The following CPNE1 variants were observed in gnomAD, a reference collection of about 807,000 sequenced individuals.
The protein encoded by CPNE1 is copine-1.
CPNE1 carries 58 observed loss-of-function variants against 63.2 expected under a neutral mutation model. The ratio of observed to expected loss-of-function variants is 0.92; its 90% CI spans 0.74 to 1.14. The LOEUF (loss-of-function observed/expected upper bound fraction) is 1.14. Among genes scored for constraint, CPNE1 ranks in the 50% most tolerant of loss-of-function variants. The probability of loss-of-function intolerance (pLI) is 0.00; values close to 1 mark genes in which losing one functional copy is unlikely to be tolerated. For missense variants in CPNE1, 672 were observed against 661.7 expected (o/e 1.02, Z -0.17); for synonymous variants, 237 against 249.0 (o/e 0.95, Z 0.45).
At chr20:35,646,252 CAAAAAAAAAAAAAAAA>C (rs549372063) in intron 1 of CPNE1, among the ~76,000 whole-genome samples, 10 of 58,364 alleles carry the variant, frequency 1.7e-4, no homozygotes, top group African/African-American at 3.5e-4. Context: ...AAGACCATCT[CAAAAAAAAAAAAAAAA>C]AAAAAAAAAA....
intron 1 of CPNE1, among the ~76,000 whole-genome samples, chr20:35,642,439 G>A (rs1400053676): frequency 6.6e-6 from 1 of 152,180 alleles, no homozygotes; most frequent in African/African-American, 2.4e-5. Context: ...TTGGCATGCT[G>A]GATCAGCTCA....
At chr20:35,662,007 A>C (rs535756932) in intron 1 of CPNE1, among the ~76,000 whole-genome samples, 8 of 152,312 alleles carry the variant, frequency 5.3e-5, no homozygotes, top group African/African-American at 1.9e-4. Context: ...ATTATGAAAC[A>C]ACCACAGTTT....
intron 1 of CPNE1, chr20:35,651,018 T>C (rs2146337631): frequency 6.6e-6 from 1 of 152,586 alleles, no homozygotes; most frequent in Middle Eastern, 3.4e-3. Context: ...TGTGACACAT[T>C]TTCAGAGCAT....
intron 1 of CPNE1, among the ~76,000 whole-genome samples, chr20:35,646,580 G>A (rs933596859): frequency 1.3e-5 from 2 of 152,048 alleles, no homozygotes; most frequent in African/African-American, 4.8e-5. Flanking sequence ...CCCATTAGGA[G>A]GCTGAGGCTA....
At chr20:35,663,891 T>TA (rs1225752077) in intron 1 of CPNE1, among the ~76,000 whole-genome samples, 4 of 152,062 alleles carry the variant, frequency 2.6e-5, no homozygotes, top group African/African-American at 9.7e-5. Flanking sequence ...GAAACTCAAT[T>TA]AACTCTCCAT....
chr20:35,630,553 A>G, intron 12 of CPNE1, 63 bp from the exon 13 acceptor site: 1 of 1,574,960 alleles, frequency 6.3e-7, no homozygotes, highest in African/African-American at 1.3e-5. Context: ...GAAAAAGGAC[A>G]CTGGCGTGTG....
chr20:35,633,789 C>T (rs1327477527), intron 1 of CPNE1, among the ~76,000 whole-genome samples: 1 of 150,162 alleles, frequency 6.7e-6, no homozygotes, highest in Non-Finnish European at 1.5e-5. Context: ...CCCGTCTCTA[C>T]TAAAAAAAAA....
chr20:35,654,500 T>C (rs749204558), intron 1 of CPNE1: 60 of 1,613,982 alleles, frequency 3.7e-5, no homozygotes, highest in East Asian at 1.3e-4. Context: ...CCAAGAAACA[T>C]AGGATTCAGA....
Position 35,632,873 on chromosome 20 carries a change from G to T in CPNE1, c.51C>A (p.Leu17=). 1 of 872,952 alleles carries T rather than the reference G, an allele frequency of 1.1e-6. No homozygotes were observed. The highest frequency in any genetic ancestry group is 1.3e-5 in the South Asian group (1 of 76,522). 54.1% of individuals were successfully genotyped at this position (872,952 alleles called of 1,614,324 possible). A position where few individuals can be genotyped will look rare whatever the true frequency, so the allele number is the denominator to read the frequency against. Residue 17 remains leucine, a synonymous_variant, in exon 2 of 16, where the codon CTC becomes CTA. Coordinates refer to ENST00000397443, the MANE Select transcript of CPNE1 (RefSeq NM_152925.3). Reference sequence around the variant, plus strand: ...ACTTGGAGCCGATGTCCTTGTCAATGAGATGGTCACAGGAAATGGACAGCT... The same window carrying T: ...ACTTGGAGCCGATGTCCTTGTCAATTAGATGGTCACAGGAAATGGACAGCT... ...LVQLSISCDH[L]IDKDIGSKSD... is the part of the protein sequence containing the mutation.
chr20:35,630,004 C>A (rs1224151542), intron 13 of CPNE1, among the ~76,000 whole-genome samples: 3 of 152,188 alleles, frequency 2.0e-5, no homozygotes, highest in East Asian at 1.9e-4. Context: ...CTAAAATCCA[C>A]CCTCTGGGTC....
chr20:35,627,688 C>A (rs1483222452), intron 13 of CPNE1, among the ~76,000 whole-genome samples: 2 of 152,048 alleles, frequency 1.3e-5, no homozygotes, highest in African/African-American at 4.8e-5. Context: ...CAGATTATAA[C>A]CTATTTAATA....
intron 1 of CPNE1, chr20:35,655,360 G>C (rs1222921286): frequency 6.4e-7 from 1 of 1,570,206 alleles, no homozygotes; most frequent in Non-Finnish European, 8.6e-7. Context: ...GATGAGAAAA[G>C]GCAACGGCCA....
intron 1 of CPNE1, chr20:35,658,929 C>T: frequency 1.4e-6 from 1 of 715,858 alleles, no homozygotes; most frequent in Non-Finnish European, 2.6e-6. Context: ...AAATCTCTTA[C>T]CTGATAAAAC....
At chr20:35,654,652 G>A in intron 1 of CPNE1, 6 of 1,612,158 alleles carry the variant, frequency 3.7e-6, no homozygotes, top group Non-Finnish European at 5.1e-6. Context: ...GGGAATCGGG[G>A]GCACAGGAGG....
chr20:35,639,091 C>CA (rs907971518), intron 1 of CPNE1, among the ~76,000 whole-genome samples: 1,064 of 88,576 alleles, frequency 0.012, 9 homozygotes, highest in Middle Eastern at 0.054. Flanking sequence ...TAAAATTTTA[C>CA]AAAAAAAAAA....
intron 1 of CPNE1, chr20:35,653,768 T>C: frequency 1.2e-6 from 2 of 1,614,124 alleles, no homozygotes; most frequent in Non-Finnish European, 1.7e-6. Flanking sequence ...TGCAGTCTTT[T>C]TCGAATCATA....
chr20:35,652,827 G>A, intron 1 of CPNE1: 3 of 1,604,248 alleles, frequency 1.9e-6, no homozygotes, highest in Non-Finnish European at 2.6e-6. Flanking sequence ...CAGGGCCGGG[G>A]CCGGGGCCGG....
rs764379695 is a variant in CPNE1, at chr20:35,654,452, G to C, written c.-1+10308C>G. ...ATGGGGAGTGGCTTCACACTGCTCT[G>C]AGAGTTCATCTGGATAGGGTTAACA... On this transcript the variant is annotated intron_variant, in intron 1 of 15. Coordinates refer to ENST00000397443, the MANE Select transcript of CPNE1 (RefSeq NM_152925.3). 8.7e-6 allele frequency: 14 copies of C among 1,614,202 alleles called. No individual in the cohort carries two copies. Among genetic ancestry groups the C allele is most frequent in the Non-Finnish European group, 1.2e-5 (14 of 1,180,038 alleles).
At chr20:35,635,153 A>T (rs982158321) in intron 1 of CPNE1, among the ~76,000 whole-genome samples, 3 of 152,106 alleles carry the variant, frequency 2.0e-5, no homozygotes, top group Admixed American at 6.5e-5. Flanking sequence ...TTTACTCAAA[A>T]TAATCTTCCC....
Sources: allele counts gnomAD v4.1 joint callset (sites outside exome capture counted in the v4.1 genomes callset), GRCh38; gene constraint gnomAD v4.1.1; transcripts MANE v1.5; gene names NCBI Gene and HGNC (gene_info 2026-07-23, HGNC 2026-07-21).